The following ENTPD2 variants were observed in gnomAD, a reference collection of about 807,000 sequenced individuals.
ENTPD2 encodes the protein ectonucleoside triphosphate diphosphohydrolase 2, also known as CD39 antigen-like 1.
ENTPD2 carries 48 observed loss-of-function variants against 46.8 expected under a neutral mutation model. The ratio of observed to expected loss-of-function variants is 1.03; its 90% CI spans 0.81 to 1.30. The LOEUF (loss-of-function observed/expected upper bound fraction) is 1.30, where lower values mean the gene tolerates loss of function less well. Ranked by LOEUF, ENTPD2 falls within the 50% of genes most tolerant of loss-of-function variation. The pLI, the probability that ENTPD2 is intolerant of heterozygous loss-of-function variation, is 0.00. For missense variants in ENTPD2, 707 were observed against 651.1 expected (o/e 1.09, Z -0.93); for synonymous variants, 316 against 286.1 (o/e 1.10, Z -1.06).
chr9:137,049,506 G>A (rs1030061615), intron 7 of ENTPD2: 4 of 438,622 alleles, frequency 9.1e-6, no homozygotes, highest in African/African-American at 6.2e-5. Flanking sequence ...GTCCTGGGAC[G>A]ACTCGTACGT....
chr9:137,052,084 G>T, intron 2 of ENTPD2, 147 bp downstream of exon 2: 1 of 730,174 alleles, frequency 1.4e-6, no homozygotes, highest in Non-Finnish European at 2.3e-6. Context: ...CAGGCGCAGG[G>T]GCACCAGCCT....
intron 7 of ENTPD2, chr9:137,049,329 C>T (rs1324073791): frequency 1.4e-6 from 1 of 701,468 alleles, no homozygotes; most frequent in Admixed American, 2.1e-5. Flanking sequence ...CAGGCATGGC[C>T]ACCAGGGAGC....
At position 137,051,670 on chromosome 9, in the gene ENTPD2, G is replaced by A. The variant is rs767733081; in HGVS notation, c.236-10C>T. 2.5e-6 allele frequency: 4 copies of A among 1,605,278 alleles called. No individual in the cohort carries two copies. Among genetic ancestry groups the A allele is most frequent in the Non-Finnish European group, 3.4e-6 (4 of 1,176,298 alleles). On this transcript the variant is annotated splice_polypyrimidine_tract_variant and intron_variant, in intron 2 of 8. Transcript: ENST00000355097. Reference sequence around the variant, plus strand: ...CTGGAGATGCCCCCACCTAGAGGGAGGCAGAGAGATGAGCCTATGCCTCAC... The same window carrying A: ...CTGGAGATGCCCCCACCTAGAGGGAAGCAGAGAGATGAGCCTATGCCTCAC...
chr9:137,051,757 C>A, intron 2 of ENTPD2, 97 bp from the exon 3 acceptor site: 1 of 1,452,888 alleles, frequency 6.9e-7, no homozygotes, highest in Non-Finnish European at 9.0e-7. Flanking sequence ...GCCGTGGGCT[C>A]CCAGACCAGG....
chr9:137,050,044 T>G lies in ENTPD2; in HGVS notation c.1030-55A>C, dbSNP rs10870169. The G allele has an allele frequency of 9.5e-6, 4 of 420,370 alleles. 2 individuals are homozygous for G. The highest frequency in any genetic ancestry group is 6.1e-5 in the African/African-American group (2 of 32,532). The allele number at this position is 420,370 out of a possible 1,614,324, so 26.0% of individuals were successfully genotyped here. A position where few individuals can be genotyped will look rare whatever the true frequency, so the allele number is the denominator to read the frequency against. On this transcript the variant is annotated intron_variant, in intron 6 of 8. Coordinates refer to ENST00000355097, the MANE Select transcript of ENTPD2 (RefSeq NM_203468.3). ...AACCCCAGCGGCTCAGAGCACCTGC[T>G]GCCACCCGCCTGTCCCTACTCACGA...
At chr9:137,050,869 G>C in intron 5 of ENTPD2, 33 bp downstream of exon 5, 8 of 1,599,602 alleles carry the variant, frequency 5.0e-6, no homozygotes, top group Non-Finnish European at 5.1e-6. Flanking sequence ...GGAGGGAACA[G>C]TGCAGTGCAG....
Position 137,050,394 on chromosome 9 carries a change from G to T in ENTPD2, c.919C>A (p.Pro307Thr), listed in dbSNP as rs771497567. 5.0e-6 allele frequency: 8 copies of T among 1,612,870 alleles called. No individual in the cohort carries two copies. The Admixed American group carries it at 5.0e-5, about 10-fold the overall frequency. Residue 307 changes from proline to threonine, a missense_variant, in exon 6 of 9, where the codon CCC (proline) becomes ACC (threonine). By Grantham distance (38) the Pro-to-Thr change is conservative (BLOSUM62 -1). Coordinates refer to ENST00000355097, the MANE Select transcript of ENTPD2 (RefSeq NM_203468.3). The part of the protein sequence containing the change: ...ARVSLSGSSD[P>T]HLCRDLVSGL... Reference sequence around the variant, plus strand: ...GAAACCAGATCTCGGCAGAGGTGGGGGTCACTGCTCCCTGACAGGCTGACC... The same window carrying T: ...GAAACCAGATCTCGGCAGAGGTGGGTGTCACTGCTCCCTGACAGGCTGACC...
At position 137,053,887 on chromosome 9, in the gene ENTPD2, G is replaced by A. The variant is rs1163473604; in HGVS notation, c.111C>T (p.Ala37=). ...TGGGTGCCCGGGCGCGCACCTTGAGGGCGGGCGGCTCCCGGACGTCGCGGG... is the reference window on the plus strand; with the variant it reads ...TGGGTGCCCGGGCGCGCACCTTGAGAGCGGGCGGCTCCCGGACGTCGCGGG... ...VPTRDVREPP[A]LKYGIVLDAG... Residue 37 remains alanine, a synonymous_variant, in exon 1 of 9, where the codon GCC becomes GCT. Coordinates refer to ENST00000355097, the MANE Select transcript of ENTPD2 (RefSeq NM_203468.3). The A allele has an allele frequency of 1.7e-5, 21 of 1,224,828 alleles. No individual in the cohort carries two copies. Among genetic ancestry groups the A allele is most frequent in the Non-Finnish European group, 1.9e-5 (19 of 983,342 alleles). 75.9% of individuals were successfully genotyped at this position (1,224,828 alleles called of 1,614,324 possible). A position where few individuals can be genotyped will look rare whatever the true frequency, so the allele number is the denominator to read the frequency against.
chr9:137,048,494 T>G lies in ENTPD2; in HGVS notation c.*163A>C, dbSNP rs1588552187. ...GGAGCGGTGGGGGATAGAGGGTGGGTGGAGGAATGCAGGATACAGGGGCGG... is the reference window on the plus strand; with the variant it reads ...GGAGCGGTGGGGGATAGAGGGTGGGGGGAGGAATGCAGGATACAGGGGCGG... On this transcript the variant is annotated 3_prime_UTR_variant, in exon 9 of 9. Coordinates refer to ENST00000355097, the MANE Select transcript of ENTPD2 (RefSeq NM_203468.3). 6.1e-6 allele frequency: 3 copies of G among 490,250 alleles called. No homozygotes were observed. The highest frequency in any genetic ancestry group is 2.4e-5 in the South Asian group (1 of 41,836). 30.4% of individuals were successfully genotyped at this position (490,250 alleles called of 1,614,324 possible).
chr9:137,050,778 C>A lies in ENTPD2; in HGVS notation c.774+124G>T, dbSNP rs1832271594. The A allele has an allele frequency of 1.1e-5, 15 of 1,343,002 alleles. No homozygotes were observed. The South Asian group carries it at 1.9e-4, about 17-fold the overall frequency. 83.2% of individuals were successfully genotyped at this position (1,343,002 alleles called of 1,614,324 possible). On this transcript the variant is annotated intron_variant, in intron 5 of 8. Transcript: ENST00000355097. ...CTGGGCCTTTGCTCATGCTCTGACC[C>A]TCCCACCTGTCTTTCCAGCCAATTA...
chr9:137,051,277 G>A lies in ENTPD2; in HGVS notation c.480C>T (p.Leu160=), dbSNP rs143374800. 1,033 of 1,612,206 alleles carry A rather than the reference G, an allele frequency of 6.4e-4. No individual in the cohort carries two copies. Among genetic ancestry groups the A allele is most frequent in the Non-Finnish European group, 7.7e-4 (903 of 1,179,464 alleles). Residue 160 remains leucine (L), a synonymous_variant, in exon 4 of 9, where the codon CTC becomes CTT. Coordinates refer to ENST00000355097, the MANE Select transcript of ENTPD2 (RefSeq NM_203468.3). The stretch of plus-strand genomic sequence containing the variant: ...CAAACACCCCCTCTTCCTGGCCCGA[G>A]AGGATGCGTGCACCCCGGAAGTCAA... ...YPFDFRGARI[L]SGQEEGVFGW...
intron 2 of ENTPD2, 76 bp from the exon 3 acceptor site, chr9:137,051,736 TG>T: frequency 1.4e-6 from 2 of 1,399,978 alleles, no homozygotes. Flanking sequence ...AGAGTGAGGG[TG>T]GGGGTGGGGG....
Position 137,053,909 on chromosome 9 carries a change from C to A in ENTPD2, c.89G>T (p.Arg30Leu). 1 of 1,225,330 alleles carries A rather than the reference C, an allele frequency of 8.2e-7. No individual in the cohort carries two copies. Among genetic ancestry groups the A allele is most frequent in the Non-Finnish European group, 1.0e-6 (1 of 983,598 alleles). 75.9% of individuals were successfully genotyped at this position (1,225,330 alleles called of 1,614,324 possible). The change falls in exon 1 of 9, where the codon CGC becomes CTC. Residue 30 changes from arginine to leucine, a missense_variant. Arg to Leu is a moderately radical substitution (Grantham distance 102). Coordinates refer to ENST00000355097, the MANE Select transcript of ENTPD2 (RefSeq NM_203468.3). The part of the protein sequence containing the change: ...AGLLLLCVPT[R>L]DVREPPALKY... Reference sequence around the variant, plus strand: ...GAGGGCGGGCGGCTCCCGGACGTCGCGGGTGGGGACGCACAGCAGTAGGAG... The same window carrying A: ...GAGGGCGGGCGGCTCCCGGACGTCGAGGGTGGGGACGCACAGCAGTAGGAG...
chr9:137,049,009 G>A lies in ENTPD2; in HGVS notation c.1216C>T (p.Gln406Ter). The change falls in exon 8 of 9, where the codon CAG becomes TAG. Residue 406 changes from glutamine (Q) to a stop codon, truncating the protein, a stop_gained. Coordinates refer to ENST00000355097, the MANE Select transcript of ENTPD2 (RefSeq NM_203468.3). LOFTEE classifies it high-confidence loss of function. ...CCGTAGCCGCGACTCAGCAGCTGCT[G>A]CACGAACATGGCCCCGGCGCAGTAG... ...ADYCAGAMFV[Q>*]QLLSRGYGFD... is the part of the protein sequence containing the mutation. 1 of 1,537,764 alleles carries A rather than the reference G, an allele frequency of 6.5e-7. No homozygotes were observed. The highest frequency in any genetic ancestry group is 8.7e-7 in the Non-Finnish European group (1 of 1,145,574).
rs199591098 is a variant in ENTPD2, at chr9:137,052,444, T to TCC, written c.118-98_118-97dup. 2,893 of 804,460 alleles carry TCC rather than the reference T, an allele frequency of 3.6e-3. 3 individuals carry two copies. The highest frequency in any genetic ancestry group is 6.3e-3 in the African/African-American group (263 of 41,748). The allele number at this position is 804,460 out of a possible 1,614,324, so 49.8% of individuals were successfully genotyped here. A position where few individuals can be genotyped will look rare whatever the true frequency, so the allele number is the denominator to read the frequency against. ...TTGGGTTCCTCCAGTTTGCCACCGCTCCCCCCCCCACCCAGTCATGTGCCA... is the reference window on the plus strand; with the variant it reads ...TTGGGTTCCTCCAGTTTGCCACCGCTCCCCCCCCCCCACCCAGTCATGTGCCA... On this transcript the variant is annotated intron_variant, in intron 1 of 8. Transcript: ENST00000355097.
intron 1 of ENTPD2, 119 bp downstream of exon 1, chr9:137,053,762 G>T: frequency 3.1e-6 from 2 of 638,706 alleles, no homozygotes; most frequent in South Asian, 8.2e-5. Context: ...AGCCCGCCAG[G>T]AGCAGAGCAC....
chr9:137,053,948 G>A lies in ENTPD2; in HGVS notation c.50C>T (p.Ala17Val), dbSNP rs1469482366. The change falls in exon 1 of 9, where the codon GCG becomes GTG. Residue 17 changes from alanine to valine, a missense_variant. Ala to Val is a moderately conservative substitution (Grantham distance 64). Coordinates refer to ENST00000355097, the MANE Select transcript of ENTPD2 (RefSeq NM_203468.3). ...SLLPPLLLAAAGLAGLLLLCV... is the reference protein window; with the variant it reads ...SLLPPLLLAAVGLAGLLLLCV... Reference sequence around the variant, plus strand: ...CAGCAGTAGGAGGCCGGCGAGGCCCGCGGCGGCCAGCAGCAGCGGCGGCAG... The same window carrying A: ...CAGCAGTAGGAGGCCGGCGAGGCCCACGGCGGCCAGCAGCAGCGGCGGCAG... 28 of 1,223,222 alleles carry A rather than the reference G, an allele frequency of 2.3e-5. No homozygotes were observed. Among genetic ancestry groups the A allele is most frequent in the Non-Finnish European group, 2.7e-5 (27 of 982,676 alleles). The allele number at this position is 1,223,222 out of a possible 1,614,324, so 75.8% of individuals were successfully genotyped here.
At position 137,050,408 on chromosome 9, in the gene ENTPD2, G is replaced by A. The variant is rs1315048614; in HGVS notation, c.905C>T (p.Ser302Leu). The change falls in exon 6 of 9, where the codon TCA becomes TTA. Residue 302 changes from serine to leucine, a missense_variant. Coordinates refer to ENST00000355097, the MANE Select transcript of ENTPD2 (RefSeq NM_203468.3). Reference sequence around the variant, plus strand: ...GCAGAGGTGGGGGTCACTGCTCCCTGACAGGCTGACCCTGGCACTGCTGTT... The same window carrying A: ...GCAGAGGTGGGGGTCACTGCTCCCTAACAGGCTGACCCTGGCACTGCTGTT... ...NFNSSARVSL[S>L]GSSDPHLCRD... is the part of the protein sequence containing the mutation. 1.9e-6 allele frequency: 3 copies of A among 1,613,000 alleles called. No individual in the cohort carries two copies. The South Asian group carries it at 3.3e-5, about 18-fold the overall frequency.
Position 137,048,429 on chromosome 9 carries a change from T to G in ENTPD2, c.*228A>C. 6.6e-6 allele frequency: 3 copies of G among 455,856 alleles called. No homozygotes were observed. The highest frequency in any genetic ancestry group is 8.4e-5 in the East Asian group (2 of 23,946). The allele number at this position is 455,856 out of a possible 1,614,324, so 28.2% of individuals were successfully genotyped here. A position where few individuals can be genotyped will look rare whatever the true frequency, so the allele number is the denominator to read the frequency against. On this transcript the variant is annotated 3_prime_UTR_variant, in exon 9 of 9. Coordinates refer to ENST00000355097, the MANE Select transcript of ENTPD2 (RefSeq NM_203468.3). ...TGGGCTGCCTTAGGGGCAGAGACGC[T>G]GAGGGTGGGGTGGAAGGATGGAGAA...
Sources: allele counts gnomAD v4.1 joint callset, GRCh38; gene constraint gnomAD v4.1.1; transcripts MANE v1.5; gene names NCBI Gene and HGNC (gene_info 2026-07-23, HGNC 2026-07-21).